Variants in DAB2 observed in about 807,000 individuals in gnomAD.
DAB2 encodes the protein disabled homolog 2.
Under a neutral mutation model 71.6 loss-of-function variants are expected in DAB2, and 28 were observed. That is an observed-to-expected ratio of 0.39 (90% CI 0.29 to 0.54). The LOEUF (loss-of-function observed/expected upper bound fraction) is 0.54, where lower values mean the gene tolerates loss of function less well. DAB2 is among the 20% of genes least tolerant of loss of function. The probability of loss-of-function intolerance (pLI) is 0.68; values close to 1 mark genes in which losing one functional copy is unlikely to be tolerated. For synonymous variants in DAB2, 345 were observed against 339.7 expected, an observed-to-expected ratio of 1.02 and a Z score of -0.17; for missense variants, 867 against 928.8, an observed-to-expected ratio of 0.93 and a Z score of 0.86.
chr5:39,397,476 C>T (rs1448213287), intron 1 of DAB2, among the ~76,000 whole-genome samples: 1 of 152,156 alleles, frequency 6.6e-6, no homozygotes, highest in African/African-American at 2.4e-5. Flanking sequence ...ATCTTCTCTT[C>T]TTACTCTCTC....
rs890579018 is a variant in DAB2, at chr5:39,422,401, T to G, written c.-102+2403A>C. On this transcript the variant is annotated intron_variant, in intron 1 of 14. Coordinates refer to ENST00000320816, the MANE Select transcript of DAB2 (RefSeq NM_001343.4). The surrounding 1 kb of genome is among the most constrained non-coding windows in gnomAD (Gnocchi z 4.1). ...CCCAGGAGGGCTCACTCTCAGCAGCTTTCCCAAGCATTTCAGCATCTTGGC... is the reference window on the plus strand; with the variant it reads ...CCCAGGAGGGCTCACTCTCAGCAGCGTTCCCAAGCATTTCAGCATCTTGGC... Among the ~76,000 whole-genome samples, 9 of 152,214 alleles carry G rather than the reference T, an allele frequency of 5.9e-5. No homozygotes were observed. The highest frequency in any genetic ancestry group is 2.2e-4 in the African/African-American group (9 of 41,452).
intron 14 of DAB2, among the ~76,000 whole-genome samples, chr5:39,374,531 T>C (rs1754774846): frequency 6.6e-6 from 1 of 152,194 alleles, no homozygotes. Flanking sequence ...ACCATCAGAC[T>C]CTTTCAGACT....
chr5:39,414,460 T>G (rs1373832220), intron 1 of DAB2, among the ~76,000 whole-genome samples: 1 of 152,106 alleles, frequency 6.6e-6, no homozygotes, highest in Non-Finnish European at 1.5e-5. Context: ...AAGAAGTTGT[T>G]TGTGGATAAA....
intron 11 of DAB2, among the ~76,000 whole-genome samples, chr5:39,379,474 A>C (rs1754907106): frequency 6.6e-6 from 1 of 151,590 alleles, no homozygotes; most frequent in Admixed American, 6.6e-5. Flanking sequence ...AGGAGAGAAA[A>C]ATATTACATT....
At chr5:39,418,374 T>C (rs1251683487) in intron 1 of DAB2, 1 of 152,206 alleles carries the variant, frequency 6.6e-6, no homozygotes, top group Non-Finnish European at 1.5e-5. Flanking sequence ...CACGTTAGCA[T>C]CTGTATTACA....
In DAB2 at chr5:39,380,921, T is replaced by G. The variant is rs74461939; in HGVS notation, c.1504+533A>C. On this transcript the variant is annotated intron_variant, in intron 11 of 14. Coordinates refer to ENST00000320816, the MANE Select transcript of DAB2 (RefSeq NM_001343.4). Reference sequence around the variant, plus strand: ...GACTGATCAGGATGTGTGCCTGATCTACCCTTACCATACACCTAGGAACAC... The same window carrying G: ...GACTGATCAGGATGTGTGCCTGATCGACCCTTACCATACACCTAGGAACAC... 2.3e-3 allele frequency among the ~76,000 whole-genome samples: 352 copies of G among 152,294 alleles called. 3 individuals carry two copies. Among genetic ancestry groups the G allele is most frequent in the Non-Finnish European group, 2.4e-3 (165 of 68,014 alleles).
chr5:39,403,672 C>G (rs929477702), intron 1 of DAB2, among the ~76,000 whole-genome samples: 16 of 150,556 alleles, frequency 1.1e-4, no homozygotes, highest in African/African-American at 3.9e-4. Context: ...TCGGTACATT[C>G]TCTACTATTC....
At chr5:39,411,109 T>C (rs1056186445) in intron 1 of DAB2, among the ~76,000 whole-genome samples, 1 of 152,162 alleles carries the variant, frequency 6.6e-6, no homozygotes, top group African/African-American at 2.4e-5. Context: ...CTCTGGTTTA[T>C]AGTTCTAGCA....
chr5:39,398,576 G>A (rs1003282280), intron 1 of DAB2, among the ~76,000 whole-genome samples: 2 of 152,112 alleles, frequency 1.3e-5, no homozygotes, highest in African/African-American at 2.4e-5. Context: ...ATAGCCAAGG[G>A]TAAGTCTCCA....
intron 1 of DAB2, among the ~76,000 whole-genome samples, chr5:39,403,465 G>A (rs897994460): frequency 6.6e-6 from 1 of 152,102 alleles, no homozygotes; most frequent in Non-Finnish European, 1.5e-5. Flanking sequence ...GCTTAGCAGG[G>A]TAATTTGAAC....
At chr5:39,400,279 C>A (rs868515222) in intron 1 of DAB2, among the ~76,000 whole-genome samples, 22 of 151,624 alleles carry the variant, frequency 1.5e-4, no homozygotes, top group African/African-American at 5.1e-4. Flanking sequence ...GTTGCCCAGG[C>A]TGGAGTGCAG....
chr5:39,394,883 A>C (rs1313969647), intron 1 of DAB2, among the ~76,000 whole-genome samples: 2 of 152,234 alleles, frequency 1.3e-5, no homozygotes, highest in Non-Finnish European at 2.9e-5. Context: ...GAGTAGAGTT[A>C]TGACCTGTAT....
chr5:39,383,122 G>T lies in DAB2; in HGVS notation c.837C>A (p.Ala279=), dbSNP rs1208771157. Residue 279 remains alanine (A), a synonymous_variant, in exon 10 of 15, where the codon GCC becomes GCA. Transcript: ENST00000320816. ...TPQASFLPEN[A]FSANLNFFPT... ...GAAAGAAGTTGAGATTGGCAGAAAA[G>T]GCATTTTCAGGCAAGAAGGATGCCT... is the stretch of plus-strand genomic sequence containing the variant. 6.2e-7 allele frequency: 1 copy of T among 1,614,018 alleles called. No individual in the cohort carries two copies.
chr5:39,410,985 C>T (rs1293309263), intron 1 of DAB2, among the ~76,000 whole-genome samples: 3 of 152,108 alleles, frequency 2.0e-5, no homozygotes, highest in Non-Finnish European at 4.4e-5. Flanking sequence ...GTTAAAAAAT[C>T]TGACTTAACA....
intron 1 of DAB2, among the ~76,000 whole-genome samples, chr5:39,414,453 A>C (rs1755802886): frequency 6.6e-6 from 1 of 152,148 alleles, no homozygotes; most frequent in African/African-American, 2.4e-5. Context: ...GGAGAATAAG[A>C]AGTTGTTTGT....
Position 39,372,159 on chromosome 5 carries a change from A to G in DAB2, c.*1272T>C, listed in dbSNP as rs1460384506. 1.3e-5 allele frequency: 2 copies of G among 152,218 alleles called. No homozygotes were observed. The highest frequency in any genetic ancestry group is 2.4e-5 in the African/African-American group (1 of 41,462). The allele number at this position is 152,218 out of a possible 1,614,324, so 9.4% of individuals were successfully genotyped here. ...ACAAAACTTATTTTGACAATAATAA[A>G]CCCTTCAGAACTGTGCTCACAACAG... On this transcript the variant is annotated 3_prime_UTR_variant, in exon 15 of 15. Transcript: ENST00000320816.
intron 1 of DAB2, among the ~76,000 whole-genome samples, chr5:39,408,188 T>C (rs1755647560): frequency 6.6e-6 from 1 of 152,188 alleles, no homozygotes; most frequent in Non-Finnish European, 1.5e-5. Context: ...CAGAGCAAAC[T>C]AGGGTGTACA....
intron 9 of DAB2, among the ~76,000 whole-genome samples, chr5:39,384,810 T>C (rs1755060312): frequency 6.6e-6 from 1 of 152,010 alleles, no homozygotes; most frequent in Non-Finnish European, 1.5e-5. Context: ...GAGAAGAATA[T>C]AAATGATAAA....
At chr5:39,392,496 T>C (rs1755257319) in intron 3 of DAB2, 33 bp from the exon 4 acceptor site, 1 of 1,508,018 alleles carries the variant, frequency 6.6e-7, no homozygotes, top group Non-Finnish European at 9.2e-7. Context: ...AGAAGTTGAA[T>C]TTTTAAAAAC....
Sources: allele counts gnomAD v4.1 joint callset (sites outside exome capture counted in the v4.1 genomes callset), GRCh38; gene constraint gnomAD v4.1.1; non-coding constraint Gnocchi (gnomAD v3.1); transcripts MANE v1.5; gene names NCBI Gene and HGNC (gene_info 2026-07-23, HGNC 2026-07-21).